The following PCDHB16 variants were observed in gnomAD, a reference collection of about 807,000 sequenced individuals.
The protein encoded by PCDHB16 is protocadherin beta 16.
For missense variants in PCDHB16, 1,026 were observed against 989.9 expected (o/e 1.04, Z -0.49); for synonymous variants, 444 against 436.5 (o/e 1.02, Z -0.21).
chr5:141,182,753 G>T lies in PCDHB16; in HGVS notation c.194G>T (p.Arg65Met), dbSNP rs782243911. The change falls in exon 1 of 1, where the codon AGG becomes ATG. Residue 65 changes from arginine to methionine, a missense_variant. By Grantham distance (91) the Arg-to-Met change is moderately conservative. Transcript: ENST00000609684. Reference sequence around the variant, plus strand: ...ACAGAGATGTCCACCCGCAAGGCCAGGATCATTTCCCAGGGGAACAAACAG... The same window carrying T: ...ACAGAGATGTCCACCCGCAAGGCCATGATCATTTCCCAGGGGAACAAACAG... The part of the protein sequence containing the change: ...GLTEMSTRKA[R>M]IISQGNKQHL... 2 of 1,612,880 alleles carry T rather than the reference G, an allele frequency of 1.2e-6. No homozygotes were observed. Among genetic ancestry groups the T allele is most frequent in the Non-Finnish European group, 1.7e-6 (2 of 1,179,104 alleles).
chr5:141,184,693 C>T lies in PCDHB16; in HGVS notation c.2134C>T (p.Arg712Trp). ...TTCGGTGCTCCTGTTCGTGGCGGTG[C>T]GGCTGTGCAGGAGGAGCAGGGCGGC... Reference protein sequence around the residue: ...LFSVLLFVAVRLCRRSRAASV... With the variant: ...LFSVLLFVAVWLCRRSRAASV... Residue 712 changes from arginine to tryptophan, a missense_variant, in exon 1 of 1, where the codon CGG becomes TGG. Physicochemically the swap from Arg to Trp is moderately radical, Grantham distance 101. Transcript: ENST00000609684. 1 of 1,612,280 alleles carries T rather than the reference C, an allele frequency of 6.2e-7. No homozygotes were observed. Among genetic ancestry groups the T allele is most frequent in the Non-Finnish European group, 8.5e-7 (1 of 1,178,844 alleles).
rs1295250732 is a variant in PCDHB16, at chr5:141,185,889, T to C, written c.*999T>C. 2 of 988,524 alleles carry C rather than the reference T, an allele frequency of 2.0e-6. No homozygotes were observed. The highest frequency in any genetic ancestry group is 1.1e-4 in the East Asian group (1 of 8,770). 61.2% of individuals were successfully genotyped at this position (988,524 alleles called of 1,614,324 possible). On this transcript the variant is annotated 3_prime_UTR_variant, in exon 1 of 1. Coordinates refer to ENST00000609684, the MANE Select transcript of PCDHB16 (RefSeq NM_020957.4). ...AGAAGCCATTGTAAGACATTCAGTA[T>C]GTGTAAATGTGTTTGTGTTTGTAGA...
chr5:141,185,058 C>A lies in PCDHB16; in HGVS notation c.*168C>A, dbSNP rs894868347. The A allele has an allele frequency of 1.4e-6, 2 of 1,437,198 alleles. No individual in the cohort carries two copies. Among genetic ancestry groups the A allele is most frequent in the Middle Eastern group, 2.0e-4 (1 of 5,052 alleles). 89.0% of individuals were successfully genotyped at this position (1,437,198 alleles called of 1,614,324 possible). A position where few individuals can be genotyped will look rare whatever the true frequency, so the allele number is the denominator to read the frequency against. On this transcript the variant is annotated 3_prime_UTR_variant, in exon 1 of 1. Transcript: ENST00000609684. Reference sequence around the variant, plus strand: ...AGGTATTTTTCTCTGATTGTTAGTTCAAATTATATTGTTAATTCCAGTTTC... The same window carrying A: ...AGGTATTTTTCTCTGATTGTTAGTTAAAATTATATTGTTAATTCCAGTTTC...
chr5:141,185,018 TCAC>T lies in PCDHB16; in HGVS notation c.*137_*139del. 2 of 1,465,398 alleles carry T rather than the reference TCAC, an allele frequency of 1.4e-6. No individual in the cohort carries two copies. The highest frequency in any genetic ancestry group is 1.8e-6 in the Non-Finnish European group (2 of 1,108,286). The allele number at this position is 1,465,398 out of a possible 1,614,324, so 90.8% of individuals were successfully genotyped here. The stretch of plus-strand genomic sequence containing the variant: ...GTCTTGTTGATTAAATTGTTCATGC[TCAC>T]CACCACCAATAAGGTATTTTTCTCT... On this transcript the variant is annotated 3_prime_UTR_variant, in exon 1 of 1. Transcript: ENST00000609684.
Position 141,182,588 on chromosome 5 carries a change from G to A in PCDHB16, c.29G>A (p.Arg10Lys). 1 of 1,528,016 alleles carries A rather than the reference G, an allele frequency of 6.5e-7. No individual in the cohort carries two copies. The highest frequency in any genetic ancestry group is 8.8e-7 in the Non-Finnish European group (1 of 1,140,378). 94.7% of individuals were successfully genotyped at this position (1,528,016 alleles called of 1,614,324 possible). The change falls in exon 1 of 1, where the codon AGA (arginine) becomes AAA (lysine). Residue 10 changes from arginine to lysine, a missense_variant. By Grantham distance (26) the Arg-to-Lys change is conservative. Coordinates refer to ENST00000609684, the MANE Select transcript of PCDHB16 (RefSeq NM_020957.4). ...GAGATTGGATGGATGCACAATCGGA[G>A]ACAAAGGCAAGTCCTTGTTTTCTTT... MEIGWMHNR[R>K]QRQVLVFFVL...
Position 141,182,838 on chromosome 5 carries a change from G to A in PCDHB16, c.279G>A (p.Glu93=), listed in dbSNP as rs189051820. The change falls in exon 1 of 1, where the codon GAG becomes GAA. Residue 93 remains glutamate (E), a synonymous_variant. Transcript: ENST00000609684. Reference sequence around the variant, plus strand: ...TCATAAATGAGAAGCTAGATCGAGAGGAGCTATGCGGTCCCACTGAGCCTT... The same window carrying A: ...TCATAAATGAGAAGCTAGATCGAGAAGAGCTATGCGGTCCCACTGAGCCTT... ...DLLINEKLDR[E]ELCGPTEPCI... is the part of the protein sequence containing the mutation. 1.2e-6 allele frequency: 2 copies of A among 1,614,164 alleles called. No homozygotes were observed. The highest frequency in any genetic ancestry group is 1.7e-5 in the Admixed American group (1 of 60,026).
rs373343206 is a variant in PCDHB16 at position 141,183,728 on chromosome 5, C to T, written c.1169C>T (p.Pro390Leu). Reference sequence around the variant, plus strand: ...ATTTCCTCCATCCAGGAAGACCTTCCCTTTCTTCTAAAACCTTCAGTCAAG... The same window carrying T: ...ATTTCCTCCATCCAGGAAGACCTTCTCTTTCTTCTAAAACCTTCAGTCAAG... The part of the protein sequence containing the change: ...KTISSIQEDL[P>L]FLLKPSVKNF... Residue 390 changes from proline (P) to leucine (L), a missense_variant, in exon 1 of 1, where the codon CCC becomes CTC. By Grantham distance (98) the Pro-to-Leu change is moderately conservative. Coordinates refer to ENST00000609684, the MANE Select transcript of PCDHB16 (RefSeq NM_020957.4). 2.5e-5 allele frequency: 41 copies of T among 1,614,048 alleles called. No individual in the cohort carries two copies. Among genetic ancestry groups the T allele is most frequent in the Admixed American group, 3.3e-5 (2 of 60,010 alleles).
chr5:141,183,943 G>A lies in PCDHB16; in HGVS notation c.1384G>A (p.Glu462Lys). The A allele has an allele frequency of 4.3e-6, 7 of 1,613,670 alleles. No individual in the cohort carries two copies. The highest frequency in any genetic ancestry group is 5.9e-6 in the Non-Finnish European group (7 of 1,179,956). The stretch of plus-strand genomic sequence containing the variant: ...AACCTCCTACACCCTGTTCGTCCGC[G>A]AGAACAACAGCCCCGCCCTGCACAT... ...TQTSYTLFVRENNSPALHIGS... is the reference protein window; with the variant it reads ...TQTSYTLFVRKNNSPALHIGS... Residue 462 changes from glutamate (E) to lysine (K), a missense_variant, in exon 1 of 1, where the codon GAG becomes AAG. By Grantham distance (56) the Glu-to-Lys change is moderately conservative (BLOSUM62 1). Coordinates refer to ENST00000609684, the MANE Select transcript of PCDHB16 (RefSeq NM_020957.4).
chr5:141,185,638 A>G lies in PCDHB16; in HGVS notation c.*748A>G. ...GGCTGATCTTGAACTCCTGGGCTCAAGCCATCCTCCCTCCTCAGCCTCCCA... is the reference window on the plus strand; with the variant it reads ...GGCTGATCTTGAACTCCTGGGCTCAGGCCATCCTCCCTCCTCAGCCTCCCA... On this transcript the variant is annotated 3_prime_UTR_variant, in exon 1 of 1. Coordinates refer to ENST00000609684, the MANE Select transcript of PCDHB16 (RefSeq NM_020957.4). 3 of 758,074 alleles carry G rather than the reference A, an allele frequency of 4.0e-6. No individual in the cohort carries two copies. The highest frequency in any genetic ancestry group is 4.9e-6 in the Non-Finnish European group (3 of 614,040). The allele number at this position is 758,074 out of a possible 1,614,324, so 47.0% of individuals were successfully genotyped here.
Position 141,182,452 on chromosome 5 carries a change from A to T in PCDHB16, c.-108A>T. 3.1e-6 allele frequency: 3 copies of T among 963,724 alleles called. No individual in the cohort carries two copies. Among genetic ancestry groups the T allele is most frequent in the Non-Finnish European group, 4.5e-6 (3 of 669,984 alleles). The allele number at this position is 963,724 out of a possible 1,614,324, so 59.7% of individuals were successfully genotyped here. A position where few individuals can be genotyped will look rare whatever the true frequency, so the allele number is the denominator to read the frequency against. ...GCGAACGTGAGTGTGAAACCTCTTT[A>T]AGACACCGTTGGGCTGCTTGGTTCT... is the stretch of plus-strand genomic sequence containing the variant. On this transcript the variant is annotated 5_prime_UTR_variant, in exon 1 of 1. Transcript: ENST00000609684.
rs1005625763 is a variant in PCDHB16 at position 141,185,992 on chromosome 5, G to T, written c.*1102G>T. On this transcript the variant is annotated 3_prime_UTR_variant, in exon 1 of 1. Coordinates refer to ENST00000609684, the MANE Select transcript of PCDHB16 (RefSeq NM_020957.4). ...CTGAATTAAAAAATCAGAGGTCCCT[G>T]TTATATTTTTAATGGCTAACAACTC... The T allele has an allele frequency of 2.3e-5, 22 of 966,244 alleles. No individual in the cohort carries two copies. The African/African-American group carries it at 3.7e-4, about 16-fold the overall frequency. 59.9% of individuals were successfully genotyped at this position (966,244 alleles called of 1,614,324 possible). A position where few individuals can be genotyped will look rare whatever the true frequency, so the allele number is the denominator to read the frequency against.
chr5:141,183,638 C>G lies in PCDHB16; in HGVS notation c.1079C>G (p.Ser360Trp). ...SALTSPIPEN[S>W]PEIVVAVFSV... ...CTCACCAGCCCCATCCCAGAGAACTCGCCTGAGATAGTAGTTGCTGTTTTC... is the reference window on the plus strand; with the variant it reads ...CTCACCAGCCCCATCCCAGAGAACTGGCCTGAGATAGTAGTTGCTGTTTTC... The change falls in exon 1 of 1, where the codon TCG becomes TGG. Residue 360 changes from serine to tryptophan, a missense_variant. By Grantham distance (177) the Ser-to-Trp change is radical. Coordinates refer to ENST00000609684, the MANE Select transcript of PCDHB16 (RefSeq NM_020957.4). 6.2e-7 allele frequency: 1 copy of G among 1,614,152 alleles called. No individual in the cohort carries two copies. Among genetic ancestry groups the G allele is most frequent in the Non-Finnish European group, 8.5e-7 (1 of 1,180,032 alleles).
chr5:141,185,657 C>A lies in PCDHB16; in HGVS notation c.*767C>A. The A allele has an allele frequency of 1.1e-6, 1 of 889,728 alleles. No individual in the cohort carries two copies. The highest frequency in any genetic ancestry group is 1.4e-6 in the Non-Finnish European group (1 of 731,758). 55.1% of individuals were successfully genotyped at this position (889,728 alleles called of 1,614,324 possible). A position where few individuals can be genotyped will look rare whatever the true frequency, so the allele number is the denominator to read the frequency against. On this transcript the variant is annotated 3_prime_UTR_variant, in exon 1 of 1. Transcript: ENST00000609684. ...GGCTCAAGCCATCCTCCCTCCTCAG[C>A]CTCCCAAAATTCTGGGATTACAGGC...
chr5:141,183,245 G>C lies in PCDHB16; in HGVS notation c.686G>C (p.Arg229Pro), dbSNP rs192987001. Residue 229 changes from arginine (R) to proline (P), a missense_variant, in exon 1 of 1, where the codon CGT (arginine) becomes CCT (proline). Arg to Pro is a moderately radical substitution (Grantham distance 103). Coordinates refer to ENST00000609684, the MANE Select transcript of PCDHB16 (RefSeq NM_020957.4). ...CCGCGATCTGGAACTGCTCAGGTCC[G>C]TATTGAAGTGGTGGACATCAATGAT... ...SPPRSGTAQV[R>P]IEVVDINDNA... 1.9e-6 allele frequency: 3 copies of C among 1,614,062 alleles called. No homozygotes were observed. The highest frequency in any genetic ancestry group is 1.7e-5 in the Admixed American group (1 of 60,008).
chr5:141,184,539 G>A lies in PCDHB16; in HGVS notation c.1980G>A (p.Val660=). Reference sequence around the variant, plus strand: ...GCTCGGCCACCGCCACGCTGCACGTGCTCCTGGTGGACGGCTTCTCCCAGC... The same window carrying A: ...GCTCGGCCACCGCCACGCTGCACGTACTCCTGGTGGACGGCTTCTCCCAGC... ...PPRSATATLH[V]LLVDGFSQPF... The change falls in exon 1 of 1, where the codon GTG becomes GTA. Residue 660 remains valine, a synonymous_variant. Transcript: ENST00000609684. The A allele has an allele frequency of 6.2e-7, 1 of 1,610,734 alleles. No individual in the cohort carries two copies. Among genetic ancestry groups the A allele is most frequent in the South Asian group, 1.1e-5 (1 of 91,010 alleles).
Position 141,182,545 on chromosome 5 carries a change from T to A in PCDHB16, c.-15T>A. 6.6e-7 allele frequency: 1 copy of A among 1,510,360 alleles called. No homozygotes were observed. The highest frequency in any genetic ancestry group is 1.4e-5 in the South Asian group (1 of 72,320). 93.6% of individuals were successfully genotyped at this position (1,510,360 alleles called of 1,614,324 possible). ...TACATGAAGCTTCTGTGAACCAACT[T>A]TTCAAGAAAAAGCAATGGAGATTGG... On this transcript the variant is annotated 5_prime_UTR_variant, in exon 1 of 1. Coordinates refer to ENST00000609684, the MANE Select transcript of PCDHB16 (RefSeq NM_020957.4).
Position 141,185,885 on chromosome 5 carries a change from AG to A in PCDHB16, c.*996del. ...AAAGAGAAGCCATTGTAAGACATTC[AG>A]TATGTGTAAATGTGTTTGTGTTTGT... On this transcript the variant is annotated 3_prime_UTR_variant, in exon 1 of 1. Transcript: ENST00000609684. 1 of 989,870 alleles carries A rather than the reference AG, an allele frequency of 1.0e-6. No individual in the cohort carries two copies. The highest frequency in any genetic ancestry group is 1.2e-6 in the Non-Finnish European group (1 of 820,510). 61.3% of individuals were successfully genotyped at this position (989,870 alleles called of 1,614,324 possible). A position where few individuals can be genotyped will look rare whatever the true frequency, so the allele number is the denominator to read the frequency against.
In PCDHB16 at chr5:141,185,271, C is replaced by A. The variant is rs894814455; in HGVS notation, c.*381C>A. 2.1e-5 allele frequency: 20 copies of A among 968,204 alleles called. No individual in the cohort carries two copies. The highest frequency in any genetic ancestry group is 2.5e-5 in the Non-Finnish European group (20 of 793,444). The allele number at this position is 968,204 out of a possible 1,614,324, so 60.0% of individuals were successfully genotyped here. A position where few individuals can be genotyped will look rare whatever the true frequency, so the allele number is the denominator to read the frequency against. On this transcript the variant is annotated 3_prime_UTR_variant, in exon 1 of 1. Coordinates refer to ENST00000609684, the MANE Select transcript of PCDHB16 (RefSeq NM_020957.4). ...CCTAGAACTTCAAGTATTAAAATAA[C>A]CTGTTGCATGTATTAGGCATATTTC...
rs1563939111 is a variant in PCDHB16 at position 141,185,399 on chromosome 5, T to C, written c.*509T>C. ...TCTTAAAGTTTCTTTCTTTCTTTTC[T>C]TTTCTTTCTTTTTTTTTTTTTCCTT... On this transcript the variant is annotated 3_prime_UTR_variant, in exon 1 of 1. Transcript: ENST00000609684. The C allele has an allele frequency of 1.3e-6, 1 of 769,854 alleles. No individual in the cohort carries two copies. The highest frequency in any genetic ancestry group is 1.6e-6 in the Non-Finnish European group (1 of 627,698). The allele number at this position is 769,854 out of a possible 1,614,324, so 47.7% of individuals were successfully genotyped here. A position where few individuals can be genotyped will look rare whatever the true frequency, so the allele number is the denominator to read the frequency against.
Sources: allele counts gnomAD v4.1 joint callset, GRCh38; gene constraint gnomAD v4.1.1; transcripts MANE v1.5; gene names NCBI Gene and HGNC (gene_info 2026-07-23, HGNC 2026-07-21).